Variants in NPM1 observed in about 807,000 individuals in gnomAD.
NPM1 encodes nucleophosmin 1.
In NPM1, 1 loss-of-function variant was observed where a neutral mutation model predicts 44.1. That is an observed-to-expected ratio of 0.02 (90% CI 0.01 to 0.11). The LOEUF is 0.11. NPM1 is among the 10% of genes least tolerant of loss of function. The probability of loss-of-function intolerance (pLI) is 1.00; values close to 1 mark genes in which losing one functional copy is unlikely to be tolerated. For missense variants in NPM1, 197 were observed against 347.8 expected (o/e 0.57, Z 3.45); for synonymous variants, 126 against 111.8 (o/e 1.13, Z -0.80).
At chr5:171,394,460 C>T (rs1340951553) in intron 6 of NPM1, among the ~76,000 whole-genome samples, 1 of 152,100 alleles carries the variant, frequency 6.6e-6, no homozygotes, top group Non-Finnish European at 1.5e-5. Flanking sequence ...AGGCATGAGC[C>T]ACCGTGCCCG....
At chr5:171,388,382 G>C (rs1415778326) in intron 1 of NPM1, among the ~76,000 whole-genome samples, 1 of 152,222 alleles carries the variant, frequency 6.6e-6, no homozygotes, top group Non-Finnish European at 1.5e-5. Context: ...CCAGGCCCCG[G>C]GTTGGTGGTC....
At position 171,396,406 on chromosome 5, in the gene NPM1, C is replaced by T. The variant is rs190085461; in HGVS notation, c.524+3428C>T. Among the ~76,000 whole-genome samples, 67 of 152,230 alleles carry T rather than the reference C, an allele frequency of 4.4e-4. 1 individual carries two copies. Among genetic ancestry groups the T allele is most frequent in the Admixed American group, 4.0e-3 (61 of 15,284 alleles). On this transcript the variant is annotated intron_variant, in intron 6 of 10. Coordinates refer to ENST00000296930, the MANE Select transcript of NPM1 (RefSeq NM_002520.7). Reference sequence around the variant, plus strand: ...TCTTGTTTCTAGCACAGGGGAGGCACCTGCAGGGATTGGGTTCTAATGCCA... The same window carrying T: ...TCTTGTTTCTAGCACAGGGGAGGCATCTGCAGGGATTGGGTTCTAATGCCA...
At position 171,392,602 on chromosome 5, in the gene NPM1, T is replaced by A. The variant is rs914234996; in HGVS notation, c.353-108T>A. 7.5e-6 allele frequency: 4 copies of A among 534,594 alleles called. No individual in the cohort carries two copies. Among genetic ancestry groups the A allele is most frequent in the Non-Finnish European group, 1.2e-5 (4 of 338,786 alleles). The allele number at this position is 534,594 out of a possible 1,614,324, so 33.1% of individuals were successfully genotyped here. A position where few individuals can be genotyped will look rare whatever the true frequency, so the allele number is the denominator to read the frequency against. On this transcript the variant is annotated intron_variant, in intron 4 of 10. Coordinates refer to ENST00000296930, the MANE Select transcript of NPM1 (RefSeq NM_002520.7). ...CCATGTGCTCTTTTTTTTTTTTTTT[T>A]TAAATAGAATAGAAGTCTCAGTTTT...
chr5:171,398,399 T>C (rs925240324), intron 6 of NPM1, among the ~76,000 whole-genome samples: 3 of 152,214 alleles, frequency 2.0e-5, no homozygotes, highest in Non-Finnish European at 2.9e-5. Context: ...ATATAGACTT[T>C]GGATGTAGAT....
At chr5:171,397,905 T>C (rs1012181354) in intron 6 of NPM1, among the ~76,000 whole-genome samples, 1 of 150,672 alleles carries the variant, frequency 6.6e-6, no homozygotes, top group African/African-American at 2.4e-5. Flanking sequence ...GCAATTCTTC[T>C]GCCTCTCCCA....
chr5:171,390,303 C>G (rs534188448), intron 2 of NPM1, 173 bp downstream of exon 2: 13 of 466,090 alleles, frequency 2.8e-5, no homozygotes, highest in African/African-American at 2.1e-4. Flanking sequence ...AACTTGGCAT[C>G]TATACCACTC....
upstream of NPM1, chr5:171,387,558 T>G (rs1332527181): frequency 1.3e-5 from 3 of 224,466 alleles, no homozygotes; most frequent in African/African-American, 2.3e-5. Context: ...GGAGAGGACG[T>G]GGAAGGGTTG....
chr5:171,398,358 T>C (rs910856329), intron 6 of NPM1, among the ~76,000 whole-genome samples: 4 of 152,206 alleles, frequency 2.6e-5, no homozygotes, highest in Non-Finnish European at 5.9e-5. Context: ...TTGAGTAAAC[T>C]TATGTGTATG....
chr5:171,396,737 T>G (rs1023294411), intron 6 of NPM1, among the ~76,000 whole-genome samples: 19 of 152,064 alleles, frequency 1.2e-4, no homozygotes, highest in Middle Eastern at 6.3e-3. Flanking sequence ...TCCCAGCACT[T>G]TGGGTGGTCG....
intron 2 of NPM1, 48 bp from the exon 3 acceptor site, chr5:171,391,257 A>G (rs1425027998): frequency 1.3e-6 from 2 of 1,597,120 alleles, no homozygotes; most frequent in East Asian, 4.5e-5. Flanking sequence ...GGGGGTGTAA[A>G]ATAGGTGGAA....
intron 6 of NPM1, among the ~76,000 whole-genome samples, chr5:171,395,040 A>G (rs1324194223): frequency 6.6e-6 from 1 of 152,094 alleles, no homozygotes; most frequent in Non-Finnish European, 1.5e-5. Context: ...TTAGCTGGGT[A>G]TCGTGGTGCC....
At position 171,395,161 on chromosome 5, in the gene NPM1, CAG is replaced by C. The variant is rs1314195824; in HGVS notation, c.524+2186_524+2187del. Among the ~76,000 whole-genome samples the C allele has an allele frequency of 7.9e-5, 12 of 152,258 alleles. No homozygotes were observed. In the South Asian group the frequency reaches 2.1e-3, roughly 26 times the overall value. ...CGCCACCGTGTTCCATCCTGGGCAA[CAG>C]AGGGAGACTCCCATCTCAGAAAAAT... On this transcript the variant is annotated intron_variant, in intron 6 of 10. Coordinates refer to ENST00000296930, the MANE Select transcript of NPM1 (RefSeq NM_002520.7).
At chr5:171,401,337 C>T (rs953041820) in intron 8 of NPM1, among the ~76,000 whole-genome samples, 9 of 150,752 alleles carry the variant, frequency 6.0e-5, no homozygotes, top group Admixed American at 2.6e-4. Flanking sequence ...GGCAAAAGAG[C>T]GAGACTCCGC....
At chr5:171,391,220 C>T (rs959823064) in intron 2 of NPM1, 85 bp from the exon 3 acceptor site, 23 of 1,458,836 alleles carry the variant, frequency 1.6e-5, no homozygotes, top group Admixed American at 9.9e-5. Flanking sequence ...GGTTAAGTGA[C>T]GCATGGCTGC....
chr5:171,402,980 TATTTA>T (rs1771304690), intron 8 of NPM1, among the ~76,000 whole-genome samples: 1 of 141,774 alleles, frequency 7.1e-6, no homozygotes, highest in Non-Finnish European at 1.6e-5. Flanking sequence ...TTTATTTATT[TATTTA>T]TTTATTTTTT....
chr5:171,407,818 G>GTT, intron 10 of NPM1, 44 bp downstream of exon 10: 1 of 1,246,620 alleles, frequency 8.0e-7, no homozygotes, highest in Non-Finnish European at 1.2e-6. Context: ...AAGTTTTTTT[G>GTT]TGATTTATTA....
At chr5:171,406,313 C>G in intron 9 of NPM1, 1 of 1,246,696 alleles carries the variant, frequency 8.0e-7, no homozygotes, top group Admixed American at 1.7e-5. Context: ...ATTTTTGTCC[C>G]TTGGATACAA....
intron 9 of NPM1, among the ~76,000 whole-genome samples, chr5:171,406,105 T>TC (rs745777876): frequency 1.3e-5 from 2 of 152,156 alleles, no homozygotes; most frequent in African/African-American, 2.4e-5. Flanking sequence ...ACTTTTAGAC[T>TC]CCAACTATTG....
intron 10 of NPM1, 62 bp downstream of exon 10, chr5:171,407,836 G>T: frequency 1.0e-6 from 1 of 1,002,484 alleles, no homozygotes. Context: ...TTATGATTCT[G>T]CCTTTACCCT....
Sources: gnomAD v4.1 joint callset for allele counts (sites outside exome capture counted in the v4.1 genomes callset) on GRCh38, gnomAD v4.1.1 for gene constraint, MANE v1.5 for transcripts, NCBI Gene and HGNC (gene_info 2026-07-23, HGNC 2026-07-21) for gene names.